The following HPX variants were observed in gnomAD, a reference collection of about 807,000 sequenced individuals.
HPX encodes beta-1B-glycoprotein.
A neutral mutation model predicts 53.8 loss-of-function variants in HPX; 42 were observed. That is an observed-to-expected ratio of 0.78 (90% CI 0.61 to 1.01). HPX has a LOEUF of 1.01. Ranked by LOEUF, HPX falls within the 50% of genes least tolerant of loss-of-function variation. The probability of loss-of-function intolerance (pLI) is 0.00; values close to 1 mark genes in which losing one functional copy is unlikely to be tolerated. For missense variants in HPX, 547 were observed against 594.3 expected (o/e 0.92, Z 0.83); for synonymous variants, 229 against 221.1 (o/e 1.04, Z -0.32).
Position 6,431,615 on chromosome 11 carries a change from C to T in HPX, c.1129+26G>A, listed in dbSNP as rs1016359068. 4.3e-6 allele frequency: 7 copies of T among 1,612,102 alleles called. No individual in the cohort carries two copies. In the Admixed American group the frequency reaches 8.3e-5, roughly 19 times the overall value. On this transcript the variant is annotated intron_variant, in intron 9 of 9. Coordinates refer to ENST00000265983, the MANE Select transcript of HPX (RefSeq NM_000613.3). ...ACAGACAGGTAGCAGAACAAGCTGC[C>T]CTCTAAGCACCCAGAAGCCCCTCAC...
intron 5 of HPX, 185 bp from the exon 6 acceptor site, chr11:6,437,837 A>G: frequency 1.7e-6 from 1 of 605,798 alleles, no homozygotes; most frequent in Non-Finnish European, 3.0e-6. Context: ...GGATCAGCTC[A>G]GCAAAGGCAG....
At position 6,431,273 on chromosome 11, in the gene HPX, TCA is replaced by T. The variant is rs753074754; in HGVS notation, c.1325_1326del (p.Leu442GlnfsTer27). 1 of 1,614,218 alleles carries T rather than the reference TCA, an allele frequency of 6.2e-7. No individual in the cohort carries two copies. Among genetic ancestry groups the T allele is most frequent in the Non-Finnish European group, 8.5e-7 (1 of 1,180,042 alleles). On this transcript the variant is annotated frameshift_variant, in exon 10 of 10. Coordinates refer to ENST00000265983, the MANE Select transcript of HPX (RefSeq NM_000613.3). LOFTEE classifies it high-confidence loss of function. Reference sequence around the variant, plus strand: ...GGTTGCGGAAGGGCCTTGGCTGCATTCAGTTTCTCCACATCACTGTAGCAGTA... The same window carrying T: ...GGTTGCGGAAGGGCCTTGGCTGCATTGTTTCTCCACATCACTGTAGCAGTA... ...NLYCYSDVEKLNAAKALPQPQ... is the reference protein window; with the variant it reads ...NLYCYSDVEKXNAAKALPQPQ...
At chr11:6,439,369 G>A (rs993197643) in intron 4 of HPX, among the ~76,000 whole-genome samples, 1 of 152,190 alleles carries the variant, frequency 6.6e-6, no homozygotes, top group African/African-American at 2.4e-5. Flanking sequence ...ACTGAAACAG[G>A]AAACACAGGA....
At chr11:6,439,341 C>A (rs1373548663) in intron 4 of HPX, among the ~76,000 whole-genome samples, 1 of 152,148 alleles carries the variant, frequency 6.6e-6, no homozygotes, top group Non-Finnish European at 1.5e-5. Context: ...AGTAATCAGG[C>A]ACATTTTGGG....
chr11:6,437,074 G>A lies in HPX; in HGVS notation c.807C>T (p.Asp269=). Residue 269 remains aspartate (D), a synonymous_variant, in exon 7 of 10, where the codon GAC becomes GAT. Transcript: ENST00000265983. ...PHLVLSALTS[D]NHGATYAFSG... ...TGAAGGCATAGGTGGCACCATGGTTGTCAGACGTCAGTGCAGACAAGACTA... is the reference window on the plus strand; with the variant it reads ...TGAAGGCATAGGTGGCACCATGGTTATCAGACGTCAGTGCAGACAAGACTA... 1 of 1,614,202 alleles carries A rather than the reference G, an allele frequency of 6.2e-7. No homozygotes were observed. Among genetic ancestry groups the A allele is most frequent in the Non-Finnish European group, 8.5e-7 (1 of 1,180,030 alleles).
In HPX at chr11:6,437,476, C is replaced by T. The variant is rs1322376835; in HGVS notation, c.667G>A (p.Asp223Asn). The stretch of plus-strand genomic sequence containing the variant: ...CAGGGCATGAAGTAGTCTCGGACAT[C>T]CCGCGGGTACCTGGGAGGCACCTCT... ...RGEVPPRYPR[D>N]VRDYFMPCPG... Residue 223 changes from aspartate to asparagine, a missense_variant, in exon 6 of 10, where the codon GAT becomes AAT. Transcript: ENST00000265983. 25 of 1,614,094 alleles carry T rather than the reference C, an allele frequency of 1.5e-5. No individual in the cohort carries two copies. Among genetic ancestry groups the T allele is most frequent in the Non-Finnish European group, 2.1e-5 (25 of 1,180,022 alleles).
intron 5 of HPX, 173 bp from the exon 6 acceptor site, chr11:6,437,825 C>A: frequency 1.6e-6 from 1 of 620,146 alleles, no homozygotes; most frequent in Non-Finnish European, 2.9e-6. Flanking sequence ...GCAAAACACA[C>A]AGGATCAGCT....
At position 6,438,428 on chromosome 11, in the gene HPX, G is replaced by A. The variant is rs1834887000; in HGVS notation, c.418C>T (p.Pro140Ser). The A allele has an allele frequency of 6.2e-7, 1 of 1,613,910 alleles. No homozygotes were observed. Among genetic ancestry groups the A allele is most frequent in the Non-Finnish European group, 8.5e-7 (1 of 1,179,854 alleles). Reference protein sequence around the residue: ...KLLQDEFPGIPSPLDAAVECH... With the variant: ...KLLQDEFPGISSPLDAAVECH... ...TCCACAGCTGCATCCAGTGGGGATG[G>A]GATTCCAGGAAATTCATCTTGGAGC... Residue 140 changes from proline to serine, a missense_variant, in exon 5 of 10, where the codon CCA becomes TCA. Transcript: ENST00000265983.
intron 7 of HPX, among the ~76,000 whole-genome samples, chr11:6,433,026 A>C (rs1193869969): frequency 1.3e-5 from 2 of 152,132 alleles, no homozygotes; most frequent in Non-Finnish European, 2.9e-5. Flanking sequence ...TAATATGCCC[A>C]AACTGATTTC....
Position 6,437,604 on chromosome 11 carries a change from C to A in HPX, c.539G>T (p.Arg180Leu), listed in dbSNP as rs576558116. 8.7e-6 allele frequency: 14 copies of A among 1,614,208 alleles called. No individual in the cohort carries two copies. The highest frequency in any genetic ancestry group is 2.2e-5 in the South Asian group (2 of 91,090). Residue 180 changes from arginine (R) to leucine (L), a missense_variant, in exon 6 of 10, where the codon CGT (arginine) becomes CTT (leucine). Physicochemically the swap from Arg to Leu is moderately radical, Grantham distance 102. Coordinates refer to ENST00000265983, the MANE Select transcript of HPX (RefSeq NM_000613.3). ...WDLATGTMKE[R>L]SWPAVGNCSS... ...GCAGTTCCCAACAGCTGGCCAGGAA[C>A]GCTCCTTCATGGTTCCCGTAGCCAA...
At chr11:6,432,181 A>G (rs1489276873) in intron 7 of HPX, 164 bp from the exon 8 acceptor site, 1 of 730,972 alleles carries the variant, frequency 1.4e-6, no homozygotes, top group Non-Finnish European at 2.2e-6. Context: ...CTTGGTCAGC[A>G]ATGTTGGGCA....
Position 6,431,140 on chromosome 11 carries a change from G to A in HPX, c.*71C>T, listed in dbSNP as rs145264256. 1.6e-3 allele frequency: 2,464 copies of A among 1,585,174 alleles called. 44 individuals are homozygous for A. The African/African-American group carries it at 0.029, about 19-fold the overall frequency. ...GTCAGAAGGCCCCTCAGTGAGAAGCGAAGAAGCAATCTGTCTTTATTATGA... is the reference window on the plus strand; with the variant it reads ...GTCAGAAGGCCCCTCAGTGAGAAGCAAAGAAGCAATCTGTCTTTATTATGA... On this transcript the variant is annotated 3_prime_UTR_variant, in exon 10 of 10. Coordinates refer to ENST00000265983, the MANE Select transcript of HPX (RefSeq NM_000613.3).
At chr11:6,436,010 G>A (rs1849411426) in intron 7 of HPX, among the ~76,000 whole-genome samples, 1 of 152,058 alleles carries the variant, frequency 6.6e-6, no homozygotes, top group South Asian at 2.1e-4. Context: ...CTCCCAATGG[G>A]CTCCCACCAT....
chr11:6,438,590 G>A, intron 4 of HPX, 81 bp from the exon 5 acceptor site: 1 of 1,256,520 alleles, frequency 8.0e-7, no homozygotes, highest in East Asian at 2.3e-5. Context: ...TTTATCTACT[G>A]TGCTTATACG....
chr11:6,440,684 G>T lies in HPX; in HGVS notation c.130C>A (p.Pro44Thr), dbSNP rs540922730. Reference sequence around the variant, plus strand: ...GTCAGGGCCTCACCAGTCACGTCTGGGTCTGGCTTGGTCTCGCCTTCAGCA... The same window carrying T: ...GTCAGGGCCTCACCAGTCACGTCTGTGTCTGGCTTGGTCTCGCCTTCAGCA... ...NVAEGETKPD[P>T]DVTERCSDGW... Residue 44 changes from proline (P) to threonine (T), a missense_variant, in exon 2 of 10, where the codon CCA becomes ACA. Transcript: ENST00000265983. 1.2e-6 allele frequency: 2 copies of T among 1,613,528 alleles called. No individual in the cohort carries two copies. Among genetic ancestry groups the T allele is most frequent in the South Asian group, 1.1e-5 (1 of 91,034 alleles).
In HPX at chr11:6,431,693, A is replaced by G. The variant is rs780526029; in HGVS notation, c.1077T>C (p.Ser359=). The G allele has an allele frequency of 2.5e-6, 4 of 1,614,206 alleles. No homozygotes were observed. In the Admixed American group the frequency reaches 6.7e-5, roughly 27 times the overall value. ...CAGGGCAGATAAAGGCCGCATCCAC[A>G]GAGTCCAGGATAATCCCATGAGGGG... ...VGTPHGIILD[S]VDAAFICPGS... Residue 359 remains serine, a synonymous_variant, in exon 9 of 10, where the codon TCT becomes TCC. Coordinates refer to ENST00000265983, the MANE Select transcript of HPX (RefSeq NM_000613.3).
intron 9 of HPX, 38 bp from the exon 10 acceptor site, chr11:6,431,508 T>C (rs201325145): frequency 6.2e-7 from 1 of 1,612,720 alleles, no homozygotes; most frequent in African/African-American, 1.3e-5. Flanking sequence ...GGCTTCCATG[T>C]CATGGGGATC....
intron 4 of HPX, among the ~76,000 whole-genome samples, 182 bp from the exon 5 acceptor site, chr11:6,438,691 A>G (rs1438148289): frequency 1.3e-5 from 2 of 152,144 alleles, no homozygotes; most frequent in African/African-American, 4.8e-5. Flanking sequence ...GTTTGTGCAA[A>G]TCCAGTCACT....
rs995714782 is a variant in HPX at position 6,439,981 on chromosome 11, G to T, written c.336+184C>A. ...GACTGAAGAACAGCCACTGGATGGT[G>T]CACCTGCCAGGCCCACACGCATGCA... On this transcript the variant is annotated intron_variant, in intron 4 of 9. Coordinates refer to ENST00000265983, the MANE Select transcript of HPX (RefSeq NM_000613.3). 14 of 699,656 alleles carry T rather than the reference G, an allele frequency of 2.0e-5. No individual in the cohort carries two copies. In the Admixed American group the frequency reaches 2.1e-4, roughly 10 times the overall value. 43.3% of individuals were successfully genotyped at this position (699,656 alleles called of 1,614,324 possible).
Sources: gnomAD v4.1 joint callset for allele counts (sites outside exome capture counted in the v4.1 genomes callset) on GRCh38, gnomAD v4.1.1 for gene constraint, MANE v1.5 for transcripts, NCBI Gene and HGNC (gene_info 2026-07-23, HGNC 2026-07-21) for gene names.